The following TTN variants were observed in gnomAD, a reference collection of about 807,000 sequenced individuals.
The protein encoded by TTN is titin.
TTN carries 1,525 observed loss-of-function variants against 3,223.0 expected under a neutral mutation model. That is an observed-to-expected ratio of 0.47 (90% CI 0.45 to 0.49). The LOEUF is 0.49. Ranked by LOEUF, TTN falls within the 20% of genes least tolerant of loss-of-function variation. The pLI, the probability that TTN is intolerant of heterozygous loss-of-function variation, is 0.00. For missense variants in TTN, 40,786 were observed against 43,424.0 expected (o/e 0.94, Z 5.40); for synonymous variants, 14,094 against 15,161.0 (o/e 0.93, Z 5.17).
In TTN at chr2:178,542,755, G is replaced by A. The variant is rs202064385; in HGVS notation, c.97099C>T (p.Arg32367Cys). 3.0e-4 allele frequency: 487 copies of A among 1,613,720 alleles called. 2 individuals are homozygous for A. Among genetic ancestry groups the A allele is most frequent in the South Asian group, 2.0e-3 (182 of 91,076 alleles). The change falls in exon 348 of 363, where the codon CGT becomes TGT. Residue 32367 changes from arginine to cysteine, a missense_variant. Transcript: ENST00000589042. ...CCAGTATCTCTGATAGTGGTTTCAC[G>A]GATGGTTAATTTAGCTACTTTAGTG... is the stretch of plus-strand genomic sequence containing the variant. ...THTKVAKLTIRETTIRDTGEY... is the reference protein window; with the variant it reads ...THTKVAKLTICETTIRDTGEY...
In TTN at chr2:178,612,422, C is replaced by T; in HGVS notation, c.50103G>A (p.Val16701=). The T allele has an allele frequency of 6.2e-7, 1 of 1,612,504 alleles. No individual in the cohort carries two copies. Among genetic ancestry groups the T allele is most frequent in the African/African-American group, 1.3e-5 (1 of 74,946 alleles). The change falls in exon 266 of 363, where the codon GTG becomes GTA. Residue 16701 remains valine (V), a synonymous_variant. Coordinates refer to ENST00000589042, the MANE Select transcript of TTN (RefSeq NM_001267550.2). The part of the protein sequence containing the change: ...RDVRRKGWQT[V]DTTVKDTKCT... ...ACTTGGTGTCCTTGACAGTGGTATC[C>T]ACTGTTTGCCAGCCTTTTCGCCTGA... is the stretch of plus-strand genomic sequence containing the variant.
rs371988490 is a variant in TTN at position 178,591,794 on chromosome 2, T to C, written c.60025A>G (p.Ile20009Val). The change falls in exon 303 of 363, where the codon ATC becomes GTC. Residue 20009 changes from isoleucine to valine, a missense_variant. Coordinates refer to ENST00000589042, the MANE Select transcript of TTN (RefSeq NM_001267550.2). ...NKPDRDGGSP[I>V]TGYLVEYQEE... ...TGATATTCTACCAAATATCCAGTGA[T>C]TGGAGAACCACCATCACGATCCGGC... is the stretch of plus-strand genomic sequence containing the variant. 13 of 1,613,206 alleles carry C rather than the reference T, an allele frequency of 8.1e-6. No homozygotes were observed. The African/African-American group carries it at 1.5e-4, about 18-fold the overall frequency.
intron 99 of TTN, 120 bp downstream of exon 99, chr2:178,709,446 A>C (rs1196836845): frequency 4.0e-6 from 4 of 1,009,478 alleles, no homozygotes; most frequent in African/African-American, 1.6e-5. Flanking sequence ...TACACAGTTA[A>C]ATAATGTGTA....
At chr2:178,798,236 A>T (rs887499768) in intron 6 of TTN, among the ~76,000 whole-genome samples, 4 of 152,156 alleles carry the variant, frequency 2.6e-5, no homozygotes, top group Admixed American at 1.3e-4. Flanking sequence ...GGCAGGGAAC[A>T]TCCATGTGTT....
chr2:178,593,335 A>T lies in TTN; in HGVS notation c.58873T>A (p.Trp19625Arg). ...ATAGGATCTTTGGTAACTCTAGCCC[A>T]TCGTTTAGACATAGTTTCTCTCTTT... ...LEKRETMSKR[W>R]ARVTKDPIHP... Residue 19625 changes from tryptophan (W) to arginine (R), a missense_variant, in exon 299 of 363, where the codon TGG becomes AGG. By Grantham distance (101) the Trp-to-Arg change is moderately radical. Transcript: ENST00000589042. The T allele has an allele frequency of 6.2e-7, 1 of 1,613,382 alleles. No individual in the cohort carries two copies. The highest frequency in any genetic ancestry group is 8.5e-7 in the Non-Finnish European group (1 of 1,179,566).
At chr2:178,705,420 C>A in intron 102 of TTN, 63 bp from the exon 103 acceptor site, 2 of 1,266,012 alleles carry the variant, frequency 1.6e-6, no homozygotes, top group South Asian at 3.4e-5. Flanking sequence ...AATTGTCTAT[C>A]ATCATTCAAA....
Position 178,562,988 on chromosome 2 carries a change from A to C in TTN, c.83144T>G (p.Ile27715Ser). 1 of 1,613,708 alleles carries C rather than the reference A, an allele frequency of 6.2e-7. No homozygotes were observed. Among genetic ancestry groups the C allele is most frequent in the Non-Finnish European group, 8.5e-7 (1 of 1,179,730 alleles). ...PEVKWEKAEGILTDRAQIEVT... is the reference protein window; with the variant it reads ...PEVKWEKAEGSLTDRAQIEVT... ...CTCTATCTGAGCCCTGTCAGTGAGAATGCCTTCTGCCTTTTCCCATTTAAC... is the reference window on the plus strand; with the variant it reads ...CTCTATCTGAGCCCTGTCAGTGAGACTGCCTTCTGCCTTTTCCCATTTAAC... The change falls in exon 326 of 363, where the codon ATT (isoleucine) becomes AGT (serine). Residue 27715 changes from isoleucine (I) to serine (S), a missense_variant. Transcript: ENST00000589042.
Position 178,558,456 on chromosome 2 carries a change from A to T in TTN, c.87003T>A (p.Val29001=), listed in dbSNP as rs371894087. ...KCAVAKSTHH[V]VSGLRENSEY... ...CAGAATTCTCTCTCAGACCGGAAAC[A>T]ACGTGATGGGTTGACTTTGCCACTG... Residue 29001 remains valine (V), a synonymous_variant, in exon 327 of 363, where the codon GTT becomes GTA. Coordinates refer to ENST00000589042, the MANE Select transcript of TTN (RefSeq NM_001267550.2). The T allele has an allele frequency of 6.8e-6, 11 of 1,613,700 alleles. No individual in the cohort carries two copies. In the African/African-American group the frequency reaches 1.3e-4, roughly 20 times the overall value.
chr2:178,776,666 G>T lies in TTN; in HGVS notation c.5198C>A (p.Thr1733Lys), dbSNP rs367700246. 1 of 1,614,096 alleles carries T rather than the reference G, an allele frequency of 6.2e-7. No homozygotes were observed. The highest frequency in any genetic ancestry group is 2.2e-5 in the East Asian group (1 of 44,840). The change falls in exon 28 of 363, where the codon ACG becomes AAG. Residue 1733 changes from threonine to lysine, a missense_variant. Thr to Lys is a moderately conservative substitution (Grantham distance 78, BLOSUM62 -1). Transcript: ENST00000589042. Reference protein sequence around the residue: ...ECRLTPIGDPTMVVEWLHDGK... With the variant: ...ECRLTPIGDPKMVVEWLHDGK... ...ATCATGGAGCCACTCCACCACCATC[G>T]TTGGGTCACCAATGGGTGTTAGCCT...
Position 178,608,037 on chromosome 2 carries a change from T to C in TTN, c.52750A>G (p.Thr17584Ala), listed in dbSNP as rs2055342322. ...GGTTCCCATTCTAGTTCAATAGTTG[T>C]AGAGCTTGTGTCAGTGACTCTTGGG... is the stretch of plus-strand genomic sequence containing the variant. ...PIPRVTDTSS[T>A]TIELEWEPPA... is the part of the protein sequence containing the mutation. Residue 17584 changes from threonine to alanine, a missense_variant, in exon 276 of 363, where the codon ACA becomes GCA. Physicochemically the swap from Thr to Ala is moderately conservative, Grantham distance 58 (BLOSUM62 0). Transcript: ENST00000589042. 2 of 1,612,614 alleles carry C rather than the reference T, an allele frequency of 1.2e-6. No individual in the cohort carries two copies. Among genetic ancestry groups the C allele is most frequent in the African/African-American group, 1.3e-5 (1 of 74,854 alleles).
chr2:178,767,697 T>C, intron 40 of TTN, 62 bp downstream of exon 40: 1 of 1,594,940 alleles, frequency 6.3e-7, no homozygotes, highest in Non-Finnish European at 8.6e-7. Flanking sequence ...AACATTAAAA[T>C]ATAAAATGAT....
At position 178,594,121 on chromosome 2, in the gene TTN, T is replaced by C; in HGVS notation, c.58272A>G (p.Glu19424=). ...PKPKVSWFKD[E]ADVLEDDRTH... ...TGCGATCATCTTCCAGCACATCAGCTTCATCTTTGAACCAGGAAACCTTAG... is the reference window on the plus strand; with the variant it reads ...TGCGATCATCTTCCAGCACATCAGCCTCATCTTTGAACCAGGAAACCTTAG... Residue 19424 remains glutamate, a synonymous_variant, in exon 297 of 363, where the codon GAA becomes GAG. Transcript: ENST00000589042. 3 of 1,613,454 alleles carry C rather than the reference T, an allele frequency of 1.9e-6. No homozygotes were observed. The highest frequency in any genetic ancestry group is 2.5e-6 in the Non-Finnish European group (3 of 1,179,632).
rs1395979206 is a variant in TTN at position 178,654,180 on chromosome 2, T to C, written c.38380+28A>G. 24 of 1,585,982 alleles carry C rather than the reference T, an allele frequency of 1.5e-5. 2 individuals carry two copies. Among genetic ancestry groups the C allele is most frequent in the Non-Finnish European group, 2.0e-5 (23 of 1,174,254 alleles). On this transcript the variant is annotated intron_variant, in intron 193 of 362. Transcript: ENST00000589042. ...TGTGAGGGGTACAGACAGTAAGTTA[T>C]TCTTAGCAGAGGAGAGGGAATAAAT...
rs767224112 is a variant in TTN at position 178,609,949 on chromosome 2, A to G, written c.51474T>C (p.Asn17158=). ...PDPPVDVEVH[N]PTAEAMTITW... is the part of the protein sequence containing the mutation. The stretch of plus-strand genomic sequence containing the variant: ...TAATAGTCATTGCCTCCGCTGTAGG[A>G]TTATGAACCTCTACATCTACAGGTG... The change falls in exon 272 of 363, where the codon AAT becomes AAC. Residue 17158 remains asparagine, a synonymous_variant. Transcript: ENST00000589042. 2 of 1,612,620 alleles carry G rather than the reference A, an allele frequency of 1.2e-6. No individual in the cohort carries two copies. Among genetic ancestry groups the G allele is most frequent in the South Asian group, 1.1e-5 (1 of 91,024 alleles).
At position 178,685,499 on chromosome 2, in the gene TTN, A is replaced by C. The variant is rs775494970; in HGVS notation, c.32392+19T>G. 6.2e-7 allele frequency: 1 copy of C among 1,603,608 alleles called. No homozygotes were observed. Among genetic ancestry groups the C allele is most frequent in the East Asian group, 2.2e-5 (1 of 44,786 alleles). ...GACAAGCTAACATAGGGATAAAACTAATTAAAGAGTCAGCATACCTTCAGC... is the reference window on the plus strand; with the variant it reads ...GACAAGCTAACATAGGGATAAAACTCATTAAAGAGTCAGCATACCTTCAGC... On this transcript the variant is annotated intron_variant, in intron 128 of 362. Coordinates refer to ENST00000589042, the MANE Select transcript of TTN (RefSeq NM_001267550.2).
rs1227523189 is a variant in TTN at position 178,571,692 on chromosome 2, C to T, written c.74440G>A (p.Gly24814Arg). The change falls in exon 326 of 363, where the codon GGA becomes AGA. Residue 24814 changes from glycine (G) to arginine (R), a missense_variant. Coordinates refer to ENST00000589042, the MANE Select transcript of TTN (RefSeq NM_001267550.2). ...GTCACTTCATCCATTTTAACTGGTC[C>T]AGTTGGAGGCCCTGGTTTGTCAAGA... ...IVLDKPGPPT[G>R]PVKMDEVTAD... 6.2e-7 allele frequency: 1 copy of T among 1,613,316 alleles called. No homozygotes were observed. Among genetic ancestry groups the T allele is most frequent in the African/African-American group, 1.3e-5 (1 of 74,854 alleles).
intron 240 of TTN, 124 bp downstream of exon 240, chr2:178,629,177 C>T (rs899306251): frequency 5.4e-5 from 71 of 1,319,836 alleles, no homozygotes; most frequent in African/African-American, 4.6e-4. Context: ...AGGCTAAAGG[C>T]GGAAAGAGAA....
In TTN at chr2:178,536,051, T is replaced by C. The variant is rs878854282; in HGVS notation, c.100696A>G (p.Thr33566Ala). 31 of 1,595,462 alleles carry C rather than the reference T, an allele frequency of 1.9e-5. No homozygotes were observed. The highest frequency in any genetic ancestry group is 2.6e-5 in the Non-Finnish European group (30 of 1,168,444). ...TTGGTAGCTCTGACTTGGTAAACTG[T>C]GGCATCATCATCTGTGACACTTGCA... ...IIASVTDDDA[T>A]VYQVRATNQG... Residue 33566 changes from threonine to alanine, a missense_variant, in exon 357 of 363, where the codon ACA becomes GCA. Physicochemically the swap from Thr to Ala is moderately conservative, Grantham distance 58. Coordinates refer to ENST00000589042, the MANE Select transcript of TTN (RefSeq NM_001267550.2).
At position 178,741,231 on chromosome 2, in the gene TTN, G is replaced by C. The variant is rs1292211761; in HGVS notation, c.12002C>G (p.Pro4001Arg). 1.9e-6 allele frequency: 3 copies of C among 1,613,470 alleles called. No individual in the cohort carries two copies. The South Asian group carries it at 3.3e-5, about 18-fold the overall frequency. Residue 4001 changes from proline to arginine, a missense_variant, in exon 48 of 363, where the codon CCT (proline) becomes CGT (arginine). Pro to Arg is a moderately radical substitution (Grantham distance 103). Coordinates refer to ENST00000589042, the MANE Select transcript of TTN (RefSeq NM_001267550.2). ...ATAGAGGCCACTGTCTTCCCTCTGA[G>C]GGTCATTGACAATGAAAGTTCCAGA... ...NGSGTFIVND[P>R]QREDSGLYIC...
Sources: gnomAD v4.1 joint callset for allele counts (sites outside exome capture counted in the v4.1 genomes callset) on GRCh38, gnomAD v4.1.1 for gene constraint, MANE v1.5 for transcripts, NCBI Gene and HGNC (gene_info 2026-07-23, HGNC 2026-07-21) for gene names.